SCUBE1: variants seen among roughly 807,000 people sequenced by gnomAD.
The protein encoded by SCUBE1 is signal peptide, CUB and EGF-like domain-containing protein 1.
Under a neutral mutation model 124.4 loss-of-function variants are expected in SCUBE1, and 59 were observed. The ratio of observed to expected loss-of-function variants is 0.47; its 90% CI spans 0.38 to 0.59. The LOEUF is 0.59. Among genes scored for constraint, SCUBE1 ranks in the 20% least tolerant of loss-of-function variants. The probability of loss-of-function intolerance (pLI) is 0.00; values close to 1 mark genes in which losing one functional copy is unlikely to be tolerated. For synonymous variants in SCUBE1, 545 were observed against 550.9 expected, an observed-to-expected ratio of 0.99 and a Z score of 0.15; for missense variants, 1,150 against 1,371.2, an observed-to-expected ratio of 0.84 and a Z score of 2.55.
intron 10 of SCUBE1, among the ~76,000 whole-genome samples, chr22:43,226,724 C>T (rs900940442): frequency 2.6e-5 from 4 of 151,910 alleles, no homozygotes; most frequent in African/African-American, 7.2e-5. Context: ...CAGAGTGTGG[C>T]GGGGCAAGGA....
At chr22:43,222,060 T>A (rs1217756761) in intron 12 of SCUBE1, among the ~76,000 whole-genome samples, 2 of 152,154 alleles carry the variant, frequency 1.3e-5, no homozygotes, top group South Asian at 2.1e-4. Context: ...CGAGACTCCG[T>A]TTTAAAAATA....
intron 2 of SCUBE1, among the ~76,000 whole-genome samples, chr22:43,330,670 C>T (rs557349861): frequency 6.6e-5 from 10 of 152,344 alleles, no homozygotes; most frequent in Non-Finnish European, 1.5e-4. Context: ...GTGAACTTGC[C>T]TCCAGTGTTT....
At chr22:43,294,015 A>G (rs1246759073) in intron 3 of SCUBE1, among the ~76,000 whole-genome samples, 2 of 151,984 alleles carry the variant, frequency 1.3e-5, no homozygotes, top group Non-Finnish European at 2.9e-5. Context: ...GCCTTGGGAC[A>G]GGGCTGTTTA....
At chr22:43,238,702 T>A (rs1398803077) in intron 7 of SCUBE1, 136 bp downstream of exon 7, 1 of 778,964 alleles carries the variant, frequency 1.3e-6, no homozygotes, top group South Asian at 1.4e-5. Flanking sequence ...GCAAAGCAAA[T>A]GATTGCCACG....
chr22:43,223,329 G>A, intron 10 of SCUBE1, 113 bp from the exon 11 acceptor site: 8 of 1,254,504 alleles, frequency 6.4e-6, no homozygotes, highest in Non-Finnish European at 7.5e-6. Context: ...CTTCTTCCAT[G>A]GCTGGGCTGG....
chr22:43,246,025 G>A (rs1601825497), intron 6 of SCUBE1, among the ~76,000 whole-genome samples: 1 of 152,160 alleles, frequency 6.6e-6, no homozygotes, highest in African/African-American at 2.4e-5. Flanking sequence ...GAGGCCTGAG[G>A]GCTGGTGGCA....
intron 6 of SCUBE1, among the ~76,000 whole-genome samples, chr22:43,246,168 C>G (rs1042417680): frequency 9.9e-5 from 15 of 152,282 alleles, no homozygotes; most frequent in African/African-American, 3.6e-4. Context: ...GTGGCAGGAG[C>G]AGGGCCTCCA....
At position 43,199,104 on chromosome 22, in the gene SCUBE1, G is replaced by C. The variant is rs986361303; in HGVS notation, c.*4893C>G. 2 of 315,550 alleles carry C rather than the reference G, an allele frequency of 6.3e-6. No individual in the cohort carries two copies. The highest frequency in any genetic ancestry group is 4.4e-5 in the African/African-American group (2 of 45,948). The allele number at this position is 315,550 out of a possible 1,614,324, so 19.5% of individuals were successfully genotyped here. A position where few individuals can be genotyped will look rare whatever the true frequency, so the allele number is the denominator to read the frequency against. On this transcript the variant is annotated 3_prime_UTR_variant, in exon 22 of 22. Transcript: ENST00000360835. ...GTTTGTTTGTCTGTCTGCTGTCTGG[G>C]GCAGTTTGTCATCTGTGCAGGGCAC...
intron 3 of SCUBE1, among the ~76,000 whole-genome samples, chr22:43,315,534 T>G (rs1338744871): frequency 6.6e-6 from 1 of 152,068 alleles, no homozygotes; most frequent in Non-Finnish European, 1.5e-5. Flanking sequence ...TGAGGTCACA[T>G]GGTCAGGATG....
chr22:43,289,293 T>C (rs888614514), intron 4 of SCUBE1, among the ~76,000 whole-genome samples: 2 of 152,228 alleles, frequency 1.3e-5, no homozygotes, highest in Admixed American at 1.3e-4. Context: ...TCCTGGTTTA[T>C]AGGGTTTGCC....
intron 3 of SCUBE1, among the ~76,000 whole-genome samples, chr22:43,319,445 C>T (rs1285970299): frequency 6.6e-6 from 1 of 151,238 alleles, no homozygotes; most frequent in Admixed American, 6.6e-5. Flanking sequence ...CGCCTGTAAT[C>T]CCAGCTACTT....
chr22:43,315,531 A>T (rs936330172), intron 3 of SCUBE1, among the ~76,000 whole-genome samples: 3 of 152,212 alleles, frequency 2.0e-5, no homozygotes, highest in Non-Finnish European at 2.9e-5. Context: ...GCTTGAGGTC[A>T]CATGGTCAGG....
intron 16 of SCUBE1, chr22:43,213,328 C>A (rs1260192723): frequency 6.6e-6 from 1 of 152,318 alleles, no homozygotes; most frequent in Non-Finnish European, 1.5e-5. Context: ...GAGCAGCCGG[C>A]AGCCTGGACG....
intron 6 of SCUBE1, among the ~76,000 whole-genome samples, chr22:43,253,137 G>T (rs188070212): frequency 6.6e-6 from 1 of 151,870 alleles, no homozygotes. Flanking sequence ...GATGGGAACG[G>T]TCACCTCCCT....
In SCUBE1 at chr22:43,335,772, ATGATGG is replaced by A. The variant is rs1208022836; in HGVS notation, c.220+3326_220+3331del. 1.4e-4 allele frequency among the ~76,000 whole-genome samples: 21 copies of A among 151,414 alleles called. 1 individual carries two copies. Among genetic ancestry groups the A allele is most frequent in the South Asian group, 2.1e-4 (1 of 4,768 alleles). ...GATGATGATGATGATGATGGTGATG[ATGATGG>A]TGATGGTGATGGTGATGATGATGGT... is the stretch of plus-strand genomic sequence containing the variant. On this transcript the variant is annotated intron_variant, in intron 2 of 21. Coordinates refer to ENST00000360835, the MANE Select transcript of SCUBE1 (RefSeq NM_173050.5).
intron 4 of SCUBE1, among the ~76,000 whole-genome samples, chr22:43,281,437 GGCCACCCTCCTGTCATCTCCCTCA>G (rs1330542077): frequency 0.2 from 13,035 of 63,648 alleles, 1,809 homozygotes; most frequent in East Asian, 0.55. Flanking sequence ...CACCTCCCTT[GGCCACCCTCCTGTCATCTCCCTCA>G]GCCACCCTCC....
At chr22:43,301,284 T>C (rs1292523827) in intron 3 of SCUBE1, among the ~76,000 whole-genome samples, 1 of 151,992 alleles carries the variant, frequency 6.6e-6, no homozygotes, top group Non-Finnish European at 1.5e-5. Flanking sequence ...CCTCCATCCC[T>C]CATGGACCTC....
chr22:43,273,995 G>C (rs1357112912), intron 4 of SCUBE1, among the ~76,000 whole-genome samples: 2 of 152,134 alleles, frequency 1.3e-5, no homozygotes, highest in Non-Finnish European at 2.9e-5. Context: ...CTGCCTGCTG[G>C]CTCCTCACCT....
chr22:43,339,279 C>T, intron 1 of SCUBE1, 44 bp from the exon 2 acceptor site: 6 of 1,598,282 alleles, frequency 3.8e-6, no homozygotes, highest in Non-Finnish European at 5.1e-6. Flanking sequence ...AGGTGTGGCC[C>T]CAGGGCAGGT....
Sources: allele counts gnomAD v4.1 joint callset (sites outside exome capture counted in the v4.1 genomes callset), GRCh38; gene constraint gnomAD v4.1.1; transcripts MANE v1.5; gene names NCBI Gene and HGNC (gene_info 2026-07-23, HGNC 2026-07-21).